Variants in GLDN observed in about 807,000 individuals in gnomAD.
The protein encoded by GLDN is gliomedin, also known as collomin.
Under a neutral mutation model 56.5 loss-of-function variants are expected in GLDN, and 47 were observed. The observed-to-expected ratio is 0.83, with a 90% CI of 0.66 to 1.06. GLDN has a LOEUF of 1.06. Among genes scored for constraint, GLDN ranks in the 50% least tolerant of loss-of-function variants. The pLI is 0.00. For synonymous variants in GLDN, 332 were observed against 278.8 expected, an observed-to-expected ratio of 1.19 and a Z score of -1.90; for missense variants, 782 against 714.3, an observed-to-expected ratio of 1.09 and a Z score of -1.08.
At position 51,341,911 on chromosome 15, in the gene GLDN, C is replaced by A; in HGVS notation, c.227C>A (p.Pro76Gln). The part of the protein sequence containing the change: ...RSFLAELSRA[P>Q]RGASAPPQDP... The stretch of plus-strand genomic sequence containing the variant: ...TTCCTGGCCGAGTTGAGCCGCGCGC[C>A]GCGCGGGGCGTCCGCACCACCCCAA... The change falls in exon 1 of 10, where the codon CCG becomes CAG. Residue 76 changes from proline to glutamine, a missense_variant. By Grantham distance (76) the Pro-to-Gln change is moderately conservative. Coordinates refer to ENST00000335449, the MANE Select transcript of GLDN (RefSeq NM_181789.4). The A allele has an allele frequency of 1.3e-6, 2 of 1,593,278 alleles. No homozygotes were observed. Among genetic ancestry groups the A allele is most frequent in the Non-Finnish European group, 1.7e-6 (2 of 1,177,522 alleles).
At chr15:51,391,487 G>A (rs2038019066) in intron 4 of GLDN, among the ~76,000 whole-genome samples, 1 of 152,226 alleles carries the variant, frequency 6.6e-6, no homozygotes, top group South Asian at 2.1e-4. Context: ...TACACTTGGT[G>A]CACTGTGCAG....
At chr15:51,349,681 T>C (rs1256175971) in intron 1 of GLDN, among the ~76,000 whole-genome samples, 1 of 151,746 alleles carries the variant, frequency 6.6e-6, no homozygotes, top group Admixed American at 6.6e-5. Context: ...CTCGTTCTTC[T>C]CAGAAAAACT....
At chr15:51,363,431 T>C (rs2037341287) in intron 1 of GLDN, among the ~76,000 whole-genome samples, 1 of 152,212 alleles carries the variant, frequency 6.6e-6, no homozygotes. Context: ...CATCGGTACT[T>C]CTAAATCAGT....
At position 51,397,448 on chromosome 15, in the gene GLDN, CTT is replaced by C; in HGVS notation, c.689-20_689-19del. ...TTCTACCTCTTGCCTCCTTCTCTCC[CTT>C]TCTCTCTCTCTCTCTCCAGGTGCCA... is the stretch of plus-strand genomic sequence containing the variant. On this transcript the variant is annotated intron_variant, in intron 5 of 9. Coordinates refer to ENST00000335449, the MANE Select transcript of GLDN (RefSeq NM_181789.4). The C allele has an allele frequency of 2.2e-6, 3 of 1,377,382 alleles. No homozygotes were observed. The highest frequency in any genetic ancestry group is 3.0e-5 in the African/African-American group (2 of 67,494). 85.3% of individuals were successfully genotyped at this position (1,377,382 alleles called of 1,614,324 possible).
chr15:51,345,929 C>G (rs561245993), intron 1 of GLDN, among the ~76,000 whole-genome samples: 2 of 152,246 alleles, frequency 1.3e-5, no homozygotes, highest in African/African-American at 4.8e-5. Flanking sequence ...ACTTCTTATA[C>G]CCAAACAATC....
chr15:51,394,719 C>G (rs1324697845), intron 4 of GLDN, 116 bp from the exon 5 acceptor site: 4 of 925,872 alleles, frequency 4.3e-6, no homozygotes, highest in Non-Finnish European at 6.7e-6. Context: ...TTATGAAATG[C>G]TGTGTGTTTG....
At chr15:51,360,557 G>T (rs975262231) in intron 1 of GLDN, 1 of 152,294 alleles carries the variant, frequency 6.6e-6, no homozygotes. Flanking sequence ...ACCATTGAGG[G>T]CCAGGAAACT....
intron 1 of GLDN, 108 bp downstream of exon 1, chr15:51,342,155 G>A (rs1352206162): frequency 1.4e-6 from 2 of 1,384,956 alleles, no homozygotes; most frequent in East Asian, 4.7e-5. Flanking sequence ...GCGAGGTGCT[G>A]CGGAGAGGGC....
At chr15:51,364,117 A>T (rs1246661465) in intron 1 of GLDN, among the ~76,000 whole-genome samples, 7 of 152,054 alleles carry the variant, frequency 4.6e-5, no homozygotes, top group Non-Finnish European at 1.0e-4. Context: ...ATGGGTTTAT[A>T]GTTTTAATTG....
At chr15:51,372,144 C>A (rs2037529737) in intron 1 of GLDN, among the ~76,000 whole-genome samples, 3 of 152,110 alleles carry the variant, frequency 2.0e-5, no homozygotes, top group African/African-American at 7.2e-5. Flanking sequence ...GGACTCTCTT[C>A]CTCTTCACAT....
chr15:51,410,525 C>T (rs1008543828), downstream of GLDN, among the ~76,000 whole-genome samples: 4 of 152,116 alleles, frequency 2.6e-5, no homozygotes, highest in Non-Finnish European at 4.4e-5. Context: ...AGTCTGTCAC[C>T]GTGCCTGTAG....
chr15:51,390,418 T>A (rs997120826), intron 4 of GLDN, among the ~76,000 whole-genome samples: 3 of 152,224 alleles, frequency 2.0e-5, no homozygotes, highest in African/African-American at 7.2e-5. Context: ...ATGTCAATTG[T>A]GCAACCAGCA....
intron 4 of GLDN, among the ~76,000 whole-genome samples, chr15:51,388,671 G>T (rs1412040367): frequency 6.6e-6 from 1 of 152,214 alleles, no homozygotes; most frequent in Admixed American, 6.5e-5. Flanking sequence ...CTAATAAGTG[G>T]AGGAGGCAGG....
At chr15:51,362,336 T>C (rs2037315874) in intron 1 of GLDN, among the ~76,000 whole-genome samples, 1 of 151,810 alleles carries the variant, frequency 6.6e-6, no homozygotes, top group Non-Finnish European at 1.5e-5. Flanking sequence ...TATATACAAA[T>C]TAGCTCAGCA....
At chr15:51,395,064 T>C in intron 5 of GLDN, 83 bp downstream of exon 5, 4 of 1,369,270 alleles carry the variant, frequency 2.9e-6, no homozygotes, top group Non-Finnish European at 3.9e-6. Flanking sequence ...GCTGCTCCTG[T>C]GTCTTCTCTC....
intron 1 of GLDN, among the ~76,000 whole-genome samples, chr15:51,366,300 C>T (rs1381393266): frequency 1.3e-5 from 2 of 152,216 alleles, no homozygotes; most frequent in East Asian, 3.9e-4. Context: ...TTGCTGCTGG[C>T]AGCTACCATC....
chr15:51,356,442 G>A (rs748246320), intron 1 of GLDN, among the ~76,000 whole-genome samples: 1 of 152,120 alleles, frequency 6.6e-6, no homozygotes, highest in Non-Finnish European at 1.5e-5. Flanking sequence ...TTTTGGGACT[G>A]AATATGACAT....
intron 4 of GLDN, among the ~76,000 whole-genome samples, chr15:51,393,355 G>A (rs1355655517): frequency 6.6e-6 from 1 of 152,032 alleles, no homozygotes; most frequent in Admixed American, 6.5e-5. Context: ...TTTAACCTGG[G>A]GCTAATTTAG....
chr15:51,363,748 G>A (rs1299621755), intron 1 of GLDN, among the ~76,000 whole-genome samples: 7 of 152,248 alleles, frequency 4.6e-5, no homozygotes, highest in African/African-American at 1.7e-4. Flanking sequence ...AAGGATGGGA[G>A]AGGGGAATGC....
Sources: gnomAD v4.1 joint callset for allele counts (sites outside exome capture counted in the v4.1 genomes callset) on GRCh38, gnomAD v4.1.1 for gene constraint, MANE v1.5 for transcripts, NCBI Gene and HGNC (gene_info 2026-07-23, HGNC 2026-07-21) for gene names.